Variants in RELCH observed in about 807,000 individuals in gnomAD.
RELCH encodes RAB11-binding protein RELCH.
Under a neutral mutation model 150.3 loss-of-function variants are expected in RELCH, and 41 were observed. That is an observed-to-expected ratio of 0.27 (90% CI 0.21 to 0.35). RELCH has a LOEUF of 0.35. Ranked by LOEUF, RELCH falls within the 10% of genes least tolerant of loss-of-function variation. The pLI is 1.00. For synonymous variants in RELCH, 478 were observed against 531.8 expected, an observed-to-expected ratio of 0.90 and a Z score of 1.39; for missense variants, 1,092 against 1,467.8, an observed-to-expected ratio of 0.74 and a Z score of 4.18.
chr18:62,290,453 C>T (rs1376580955), intron 26 of RELCH, among the ~76,000 whole-genome samples: 1 of 152,152 alleles, frequency 6.6e-6, no homozygotes, highest in Non-Finnish European at 1.5e-5. Flanking sequence ...ATCACTTGAA[C>T]CCAGGAGGCG....
chr18:62,298,602 A>AT (rs1184880232), intron 27 of RELCH, among the ~76,000 whole-genome samples, 188 bp from the exon 28 acceptor site: 1 of 152,168 alleles, frequency 6.6e-6, no homozygotes, highest in African/African-American at 2.4e-5. Context: ...TATGATTGAG[A>AT]TTTTTTAAAG....
chr18:62,258,478 T>C, intron 14 of RELCH, 34 bp from the exon 15 acceptor site: 1 of 1,567,570 alleles, frequency 6.4e-7, no homozygotes, highest in Non-Finnish European at 8.6e-7. Context: ...TTTATCCCTT[T>C]AAAAATCTAC....
rs115550545 is a variant in RELCH at position 62,270,088 on chromosome 18, G to A, written c.2760+1140G>A. On this transcript the variant is annotated intron_variant, in intron 20 of 28. Transcript: ENST00000644646. ...GTGGTCACTTCTGTTGCTGCAGTAA[G>A]TGGGTTAGCTGAAGAGGTCTCTACA... Among the ~76,000 whole-genome samples, 153 of 152,258 alleles carry A rather than the reference G, an allele frequency of 1.0e-3. 1 individual carries two copies. The highest frequency in any genetic ancestry group is 3.6e-3 in the African/African-American group (149 of 41,548).
At chr18:62,267,484 A>ATG (rs36203741) in intron 19 of RELCH, among the ~76,000 whole-genome samples, 4,755 of 135,716 alleles carry the variant, frequency 0.035, 131 homozygotes, top group African/African-American at 0.077. Flanking sequence ...CTAGGTATAT[A>ATG]TGTGTGTGTG....
intron 19 of RELCH, 90 bp downstream of exon 19, chr18:62,266,839 T>C: frequency 2.6e-6 from 2 of 760,412 alleles, no homozygotes; most frequent in Non-Finnish European, 4.3e-6. Flanking sequence ...ATTGTATAAA[T>C]GAACTAGCAA....
intron 1 of RELCH, among the ~76,000 whole-genome samples, chr18:62,194,464 A>G (rs1000995581): frequency 5.3e-5 from 8 of 152,236 alleles, no homozygotes; most frequent in African/African-American, 1.9e-4. Context: ...TGAAGGTATC[A>G]TAAAGGAGAA....
intron 17 of RELCH, 83 bp downstream of exon 17, chr18:62,264,228 C>T (rs1048120326): frequency 2.2e-5 from 26 of 1,159,764 alleles, no homozygotes; most frequent in Middle Eastern, 3.9e-4. Context: ...TATAACAAAA[C>T]TTTTAAAATG....
At chr18:62,189,536 T>C (rs1002042678) in intron 1 of RELCH, among the ~76,000 whole-genome samples, 30 of 152,218 alleles carry the variant, frequency 2.0e-4, no homozygotes, top group Non-Finnish European at 2.2e-4. Flanking sequence ...CACACTTTGC[T>C]CAGTCCCTGG....
Position 62,187,770 on chromosome 18 carries a change from C to G in RELCH, c.265C>G (p.Pro89Ala), listed in dbSNP as rs1443799024. The G allele has an allele frequency of 6.2e-7, 1 of 1,609,414 alleles. No homozygotes were observed. The highest frequency in any genetic ancestry group is 8.5e-7 in the Non-Finnish European group (1 of 1,177,766). ...GGCCCTGGGGGGCACCGGGGAGACC[C>G]CGGCCCGATTATCAATTGATGCGAT... is the stretch of plus-strand genomic sequence containing the variant. ...AVALGGTGET[P>A]ARLSIDAIAA... Residue 89 changes from proline to alanine, a missense_variant, in exon 1 of 29, where the codon CCG becomes GCG. Physicochemically the swap from Pro to Ala is conservative, Grantham distance 27. This residue lies in a region of RELCH where 138 missense variants were observed against 124.8 expected (regional missense o/e 1.11). Coordinates refer to ENST00000644646, the MANE Select transcript of RELCH (RefSeq NM_001346231.2).
chr18:62,236,126 C>A (rs898909294), intron 10 of RELCH, among the ~76,000 whole-genome samples: 1 of 151,898 alleles, frequency 6.6e-6, no homozygotes, highest in Non-Finnish European at 1.5e-5. Flanking sequence ...AAGAAGTTTC[C>A]TTTTATCCCT....
chr18:62,259,689 G>C (rs2043162280), intron 15 of RELCH, among the ~76,000 whole-genome samples: 1 of 151,900 alleles, frequency 6.6e-6, no homozygotes, highest in African/African-American at 2.4e-5. Flanking sequence ...GCAAGCCTGA[G>C]CAAAAAGAAC....
chr18:62,268,171 A>G (rs1184856104), intron 19 of RELCH, among the ~76,000 whole-genome samples: 1 of 152,126 alleles, frequency 6.6e-6, no homozygotes, highest in East Asian at 1.9e-4. Flanking sequence ...AGCACTTAAA[A>G]CAGTGCCTCA....
intron 5 of RELCH, among the ~76,000 whole-genome samples, chr18:62,224,218 G>T (rs962427870): frequency 6.6e-6 from 1 of 152,120 alleles, no homozygotes; most frequent in African/African-American, 2.4e-5. Context: ...AACATGCAGT[G>T]CTTGGTTTTC....
At chr18:62,227,528 A>C (rs1163791197) in intron 6 of RELCH, 36 bp downstream of exon 6, 1 of 1,583,796 alleles carries the variant, frequency 6.3e-7, no homozygotes, top group Non-Finnish European at 8.7e-7. Context: ...AGTCCACAGA[A>C]AGTATTTAAA....
intron 1 of RELCH, among the ~76,000 whole-genome samples, chr18:62,200,041 AT>A (rs2039325339): frequency 6.6e-6 from 1 of 152,190 alleles, no homozygotes. Context: ...GTCATCTTGT[AT>A]TATAGAAATT....
rs2044412460 is a variant in RELCH, at chr18:62,279,870, C to T, written c.3050+14C>T. Reference sequence around the variant, plus strand: ...TGACCCTGAAATGTAAGTGTCATCCCTGCCTTTTATATTCGGCATCCCTTT... The same window carrying T: ...TGACCCTGAAATGTAAGTGTCATCCTTGCCTTTTATATTCGGCATCCCTTT... On this transcript the variant is annotated intron_variant, in intron 23 of 28. Coordinates refer to ENST00000644646, the MANE Select transcript of RELCH (RefSeq NM_001346231.2). The T allele has an allele frequency of 6.6e-7, 1 of 1,509,584 alleles. No homozygotes were observed. The highest frequency in any genetic ancestry group is 8.9e-7 in the Non-Finnish European group (1 of 1,123,012). 93.5% of individuals were successfully genotyped at this position (1,509,584 alleles called of 1,614,324 possible). A position where few individuals can be genotyped will look rare whatever the true frequency, so the allele number is the denominator to read the frequency against.
chr18:62,193,087 CCTTT>C (rs1362613699), intron 1 of RELCH, among the ~76,000 whole-genome samples: 3 of 152,128 alleles, frequency 2.0e-5, no homozygotes, highest in Non-Finnish European at 4.4e-5. Context: ...TGCTTCACTT[CCTTT>C]GTTAGCTGCG....
chr18:62,305,343 A>G lies in RELCH; in HGVS notation c.3531-71A>G. On this transcript the variant is annotated intron_variant, in intron 28 of 28. Coordinates refer to ENST00000644646, the MANE Select transcript of RELCH (RefSeq NM_001346231.2). This position sits in a 1 kb window ranked among gnomAD's most constrained non-coding sequence, Gnocchi z 4.0. The stretch of plus-strand genomic sequence containing the variant: ...AATTCAGAGTGTGTTCGTTAATGAT[A>G]TGCTACTAAATAAATGAAAAATTTT... 1.5e-6 allele frequency: 2 copies of G among 1,345,552 alleles called. No homozygotes were observed. Among genetic ancestry groups the G allele is most frequent in the Non-Finnish European group, 2.0e-6 (2 of 986,864 alleles). 83.4% of individuals were successfully genotyped at this position (1,345,552 alleles called of 1,614,324 possible). A position where few individuals can be genotyped will look rare whatever the true frequency, so the allele number is the denominator to read the frequency against.
At chr18:62,265,601 T>C (rs1360058525) in intron 18 of RELCH, among the ~76,000 whole-genome samples, 2 of 152,052 alleles carry the variant, frequency 1.3e-5, no homozygotes, top group Non-Finnish European at 2.9e-5. Context: ...AGCTCTTTAC[T>C]ATTAAATCTA....
Sources: allele counts gnomAD v4.1 joint callset (sites outside exome capture counted in the v4.1 genomes callset), GRCh38; gene constraint gnomAD v4.1.1; regional missense constraint gnomAD v4.1.1; non-coding constraint Gnocchi (gnomAD v3.1); transcripts MANE v1.5; gene names NCBI Gene and HGNC (gene_info 2026-07-23, HGNC 2026-07-21).